NRXN1: variants seen among roughly 807,000 people sequenced by gnomAD.
NRXN1 encodes the protein neurexin 1, also known as neurexin-1.
Under a neutral mutation model 150.9 loss-of-function variants are expected in NRXN1, and 39 were observed. That is an observed-to-expected ratio of 0.26 (90% CI 0.20 to 0.34). The LOEUF (loss-of-function observed/expected upper bound fraction) is 0.34, where lower values mean the gene tolerates loss of function less well. Among genes scored for constraint, NRXN1 ranks in the 10% least tolerant of loss-of-function variants. NRXN1 has a pLI of 1.00. For missense variants in NRXN1, 1,815 were observed against 1,949.9 expected (o/e 0.93, Z 1.30); for synonymous variants, 924 against 757.0 (o/e 1.22, Z -3.62).
At chr2:50,730,536 C>G (rs1346273076) in intron 5 of NRXN1, among the ~76,000 whole-genome samples, 2 of 152,082 alleles carry the variant, frequency 1.3e-5, no homozygotes, top group Admixed American at 1.3e-4. Context: ...GTGCAGCCTT[C>G]AAAAAGATAA....
In NRXN1 at chr2:50,939,240, A is replaced by G. The variant is rs548632062; in HGVS notation, c.773-13285T>C. 5.0e-4 allele frequency among the ~76,000 whole-genome samples: 75 copies of G among 149,532 alleles called. 6 individuals are homozygous for G. The East Asian group carries it at 5.4e-3, about 11-fold the overall frequency. On this transcript the variant is annotated intron_variant, in intron 2 of 22. Coordinates refer to ENST00000401669, the MANE Select transcript of NRXN1 (RefSeq NM_001330078.2). ...AAAAAAAAAAAAAAAAAAAAAAATTAAATGTAGGTAGCCCCATTAAAATAA... is the reference window on the plus strand; with the variant it reads ...AAAAAAAAAAAAAAAAAAAAAAATTGAATGTAGGTAGCCCCATTAAAATAA...
At chr2:51,026,566 A>T in intron 2 of NRXN1, 2 of 752,868 alleles carry the variant, frequency 2.7e-6, no homozygotes, top group Admixed American at 4.8e-5. Context: ...CTTGGCCTCC[A>T]CTACCCAGAT....
At chr2:50,071,172 A>G (rs78089294) in intron 19 of NRXN1, among the ~76,000 whole-genome samples, 5,132 of 152,340 alleles carry the variant, frequency 0.034, 132 homozygotes, top group Non-Finnish European at 0.051. Context: ...ACTAGGCCGT[A>G]TAACTCTGGC....
At chr2:49,969,055 GAGAT>G (rs1392440019) in intron 21 of NRXN1, among the ~76,000 whole-genome samples, 2 of 152,126 alleles carry the variant, frequency 1.3e-5, no homozygotes, top group African/African-American at 2.4e-5. Flanking sequence ...ATTCTGGAAA[GAGAT>G]AGTAAAATTC....
intron 5 of NRXN1, among the ~76,000 whole-genome samples, chr2:50,775,795 TG>T (rs1236416172): frequency 6.6e-6 from 1 of 152,130 alleles, no homozygotes; most frequent in East Asian, 1.9e-4. Flanking sequence ...CTTAACATTT[TG>T]GTCTCTTATA....
At chr2:50,634,035 T>C (rs1479612436) in intron 5 of NRXN1, among the ~76,000 whole-genome samples, 2 of 152,120 alleles carry the variant, frequency 1.3e-5, no homozygotes, top group Non-Finnish European at 2.9e-5. Context: ...CAGTGAGCAT[T>C]GAGCACAGTG....
intron 2 of NRXN1, among the ~76,000 whole-genome samples, chr2:50,987,272 A>G (rs945177229): frequency 6.6e-6 from 1 of 151,954 alleles, no homozygotes; most frequent in Non-Finnish European, 1.5e-5. Flanking sequence ...ATTCAATATA[A>G]AATAAAAAAG....
At chr2:50,230,201 T>G (rs1424887250) in intron 18 of NRXN1, among the ~76,000 whole-genome samples, 1 of 152,016 alleles carries the variant, frequency 6.6e-6, no homozygotes, top group Admixed American at 6.6e-5. Context: ...GAAAAAACTG[T>G]TCAATGACTG....
intron 17 of NRXN1, among the ~76,000 whole-genome samples, chr2:50,402,599 G>T (rs1269815281): frequency 6.6e-6 from 1 of 152,032 alleles, no homozygotes; most frequent in Non-Finnish European, 1.5e-5. Flanking sequence ...CAAACCTCTT[G>T]GTTAGGCCAT....
At chr2:50,054,923 T>C in intron 20 of NRXN1, 32 bp downstream of exon 20, 1 of 1,386,064 alleles carries the variant, frequency 7.2e-7, no homozygotes, top group Non-Finnish European at 9.8e-7. Flanking sequence ...CAAATTATTT[T>C]TTTATTTGAA....
chr2:50,435,266 C>T (rs887310249), intron 17 of NRXN1, among the ~76,000 whole-genome samples: 1 of 152,046 alleles, frequency 6.6e-6, no homozygotes, highest in Non-Finnish European at 1.5e-5. Flanking sequence ...ACCTGCAAAT[C>T]GGGGATAATT....
intron 21 of NRXN1, among the ~76,000 whole-genome samples, chr2:50,035,184 T>C (rs986500785): frequency 6.6e-6 from 1 of 152,130 alleles, no homozygotes; most frequent in Admixed American, 6.6e-5. Context: ...TTGAATAATT[T>C]CAAAACATAT....
chr2:49,935,752 G>C (rs927491704), intron 22 of NRXN1, among the ~76,000 whole-genome samples: 3 of 152,160 alleles, frequency 2.0e-5, no homozygotes, highest in African/African-American at 7.2e-5. Context: ...GGTACCAAGA[G>C]AACGCCACAG....
chr2:50,024,896 G>A (rs537381384), intron 21 of NRXN1, among the ~76,000 whole-genome samples: 20 of 152,192 alleles, frequency 1.3e-4, no homozygotes, highest in Admixed American at 2.6e-4. Flanking sequence ...GATTACAGGC[G>A]TGAGCTACTG....
At chr2:50,107,763 G>A (rs1701877434) in intron 18 of NRXN1, among the ~76,000 whole-genome samples, 1 of 151,726 alleles carries the variant, frequency 6.6e-6, no homozygotes, top group African/African-American at 2.4e-5. Flanking sequence ...TAATAATGTT[G>A]ATAGTAATAC....
intron 8 of NRXN1, among the ~76,000 whole-genome samples, chr2:50,563,065 A>G: frequency 6.6e-6 from 1 of 152,326 alleles, no homozygotes; most frequent in East Asian, 1.9e-4. Flanking sequence ...AATAAAAAAA[A>G]GCAATCACTG....
At chr2:50,658,181 AC>A (rs1686765912) in intron 5 of NRXN1, among the ~76,000 whole-genome samples, 1 of 151,930 alleles carries the variant, frequency 6.6e-6, no homozygotes, top group Non-Finnish European at 1.5e-5. Flanking sequence ...TAAAACCCCT[AC>A]ATTTGCATAG....
chr2:50,349,327 T>G (rs944115628), intron 17 of NRXN1, among the ~76,000 whole-genome samples: 4 of 152,228 alleles, frequency 2.6e-5, no homozygotes, highest in African/African-American at 9.6e-5. Context: ...GTTTCTGCCC[T>G]TGCCCCCAGT....
At chr2:50,694,810 C>A (rs1692580655) in intron 5 of NRXN1, among the ~76,000 whole-genome samples, 1 of 152,124 alleles carries the variant, frequency 6.6e-6, no homozygotes, top group African/African-American at 2.4e-5. Flanking sequence ...CAAAAGTAAT[C>A]ATTACAAAAT....
Sources: gnomAD v4.1 joint callset for allele counts (sites outside exome capture counted in the v4.1 genomes callset) on GRCh38, gnomAD v4.1.1 for gene constraint, MANE v1.5 for transcripts, NCBI Gene and HGNC (gene_info 2026-07-23, HGNC 2026-07-21) for gene names.